BANP: variants seen among roughly 807,000 people sequenced by gnomAD.
BANP encodes the protein protein BANP.
A neutral mutation model predicts 68.1 loss-of-function variants in BANP; 11 were observed. That is an observed-to-expected ratio of 0.16 (90% CI 0.10 to 0.27). The LOEUF (loss-of-function observed/expected upper bound fraction) is 0.27, where lower values mean the gene tolerates loss of function less well. Ranked by LOEUF, BANP falls within the 10% of genes least tolerant of loss-of-function variation. The pLI is 1.00. For missense variants in BANP, 504 were observed against 722.7 expected (o/e 0.70, Z 3.47); for synonymous variants, 329 against 303.2 (o/e 1.09, Z -0.88).
intron 11 of BANP, among the ~76,000 whole-genome samples, chr16:88,041,080 C>T (rs1005956389): frequency 2.0e-5 from 3 of 152,248 alleles, no homozygotes; most frequent in African/African-American, 2.4e-5. Flanking sequence ...CCACATCCTG[C>T]ACCCCAGCCC....
chr16:87,988,933 T>C (rs2065177128), intron 4 of BANP, among the ~76,000 whole-genome samples: 1 of 152,216 alleles, frequency 6.6e-6, no homozygotes, highest in South Asian at 2.1e-4. Flanking sequence ...GTTGGTTCTT[T>C]CTCATTAAAA....
rs145032870 is a variant in BANP, at chr16:87,995,669, A to G, written c.363-8626A>G. ...GCTGCACTCTGGGTGGGAAGGAGAC[A>G]AAAACTTGTACTTGTTCAAATATAC... On this transcript the variant is annotated intron_variant, in intron 4 of 13. Coordinates refer to ENST00000682872, the MANE Select transcript of BANP (RefSeq NM_001386991.1). Among the ~76,000 whole-genome samples the G allele has an allele frequency of 7.2e-3, 1,091 of 152,344 alleles. 4 individuals are homozygous for G. The highest frequency in any genetic ancestry group is 0.01 in the Middle Eastern group (3 of 294).
intron 11 of BANP, among the ~76,000 whole-genome samples, chr16:88,049,817 G>A (rs554418080): frequency 1.1e-3 from 167 of 152,330 alleles, no homozygotes; most frequent in Non-Finnish European, 1.7e-3. Context: ...CAGCCACACG[G>A]CATCCGACGA....
Position 88,018,902 on chromosome 16 carries a change from A to G in BANP, c.895+235A>G, listed in dbSNP as rs1165512253. On this transcript the variant is annotated intron_variant, in intron 7 of 13. Transcript: ENST00000682872. This position sits in a 1 kb window ranked among gnomAD's most constrained non-coding sequence, Gnocchi z 7.7. Reference sequence around the variant, plus strand: ...AAATACCTCATATACCCCATCATATATATACCTACTGTGTACCCTTAGAAG... The same window carrying G: ...AAATACCTCATATACCCCATCATATGTATACCTACTGTGTACCCTTAGAAG... 6.6e-6 allele frequency among the ~76,000 whole-genome samples: 1 copy of G among 152,166 alleles called. No individual in the cohort carries two copies. Among genetic ancestry groups the G allele is most frequent in the African/African-American group, 2.4e-5 (1 of 41,440 alleles).
intron 8 of BANP, among the ~76,000 whole-genome samples, chr16:88,032,882 G>A (rs1380452104): frequency 1.3e-5 from 2 of 152,196 alleles, no homozygotes; most frequent in Non-Finnish European, 2.9e-5. Flanking sequence ...GCAGCATCAC[G>A]CCACTCTCAG....
chr16:87,989,798 G>C (rs889535379), intron 4 of BANP, among the ~76,000 whole-genome samples: 1 of 120,480 alleles, frequency 8.3e-6, no homozygotes, highest in Admixed American at 9.2e-5. Context: ...GCGTGGCTGC[G>C]CGCATCCAGG....
intron 4 of BANP, among the ~76,000 whole-genome samples, chr16:87,999,290 G>T (rs1418861927): frequency 2.9e-5 from 4 of 140,092 alleles, no homozygotes; most frequent in Non-Finnish European, 6.2e-5. Flanking sequence ...GCATGCACTT[G>T]CACGGCTGTA....
rs2152667593 is a variant in BANP at position 88,018,900 on chromosome 16, A to ATATATACCTACTT, written c.895+245_895+246insTTATATACCTACT. Among the ~76,000 whole-genome samples, 1 of 152,244 alleles carries ATATATACCTACTT rather than the reference A, an allele frequency of 6.6e-6. No homozygotes were observed. The highest frequency in any genetic ancestry group is 2.4e-5 in the African/African-American group (1 of 41,534). The stretch of plus-strand genomic sequence containing the variant: ...CAAAATACCTCATATACCCCATCAT[A>ATATATACCTACTT]TATATACCTACTGTGTACCCTTAGA... On this transcript the variant is annotated intron_variant, in intron 7 of 13. Transcript: ENST00000682872. The surrounding 1 kb of genome is among the most constrained non-coding windows in gnomAD (Gnocchi z 7.7).
At chr16:87,989,590 G>A (rs2065358294) in intron 4 of BANP, among the ~76,000 whole-genome samples, 1 of 149,752 alleles carries the variant, frequency 6.7e-6, no homozygotes, top group South Asian at 2.1e-4. Flanking sequence ...ACACAGGGCG[G>A]GTGACGGGGG....
intron 11 of BANP, among the ~76,000 whole-genome samples, chr16:88,058,769 T>C (rs995642545): frequency 6.6e-6 from 1 of 152,208 alleles, no homozygotes; most frequent in Non-Finnish European, 1.5e-5. Context: ...CTGCATTGTG[T>C]AATTGGCTCT....
intron 6 of BANP, among the ~76,000 whole-genome samples, chr16:88,013,638 C>T (rs1481956211): frequency 6.6e-6 from 1 of 152,230 alleles, no homozygotes; most frequent in Non-Finnish European, 1.5e-5. Flanking sequence ...TTGTGCTTTC[C>T]TGGTGCAGGA....
intron 1 of BANP, among the ~76,000 whole-genome samples, chr16:87,958,669 C>T (rs2058559817): frequency 6.6e-6 from 1 of 152,196 alleles, no homozygotes; most frequent in South Asian, 2.1e-4. Context: ...CACCACTGCA[C>T]TCCAGCCTGG....
chr16:88,065,968 C>G (rs2088454726), intron 12 of BANP, among the ~76,000 whole-genome samples: 1 of 152,176 alleles, frequency 6.6e-6, no homozygotes, highest in South Asian at 2.1e-4. Flanking sequence ...GCTTAGGATT[C>G]TTGGTGGGGA....
At chr16:87,991,834 T>C (rs1223421350) in intron 4 of BANP, among the ~76,000 whole-genome samples, 1 of 152,264 alleles carries the variant, frequency 6.6e-6, no homozygotes, top group Non-Finnish European at 1.5e-5. Flanking sequence ...AATAGAATTT[T>C]GCTTCTTCCT....
intron 6 of BANP, among the ~76,000 whole-genome samples, chr16:88,007,772 A>G (rs2071678858): frequency 1.3e-5 from 2 of 152,152 alleles, no homozygotes; most frequent in Admixed American, 6.5e-5. Flanking sequence ...CTTCCACAAA[A>G]ATTGCTTTTA....
intron 12 of BANP, among the ~76,000 whole-genome samples, chr16:88,066,036 C>T (rs554491843): frequency 3.9e-5 from 6 of 152,202 alleles, no homozygotes; most frequent in Non-Finnish European, 7.3e-5. Flanking sequence ...CCTGGGATAG[C>T]GTCCGAGCAG....
At chr16:88,056,749 C>A (rs1304143029) in intron 11 of BANP, among the ~76,000 whole-genome samples, 1 of 152,166 alleles carries the variant, frequency 6.6e-6, no homozygotes, top group Non-Finnish European at 1.5e-5. Context: ...TTACCATTTT[C>A]AAATATATAT....
rs374417886 is a variant in BANP at position 87,954,109 on chromosome 16, T to C, written c.-69+2594T>C. ...AAGTTCTTCCTCTCCAGCTCTGCTC[T>C]TCTGTCTTAGGAGTTCCTGTTTGTG... On this transcript the variant is annotated intron_variant, in intron 1 of 13. Coordinates refer to ENST00000682872, the MANE Select transcript of BANP (RefSeq NM_001386991.1). Among the ~76,000 whole-genome samples the C allele has an allele frequency of 1.4e-3, 208 of 152,284 alleles. 2 individuals are homozygous for C. Among genetic ancestry groups the C allele is most frequent in the African/African-American group, 5.0e-3 (206 of 41,560 alleles).
At chr16:88,037,146 A>T (rs1338571170) in intron 10 of BANP, 1 of 152,240 alleles carries the variant, frequency 6.6e-6, no homozygotes, top group East Asian at 1.9e-4. Context: ...GAAAATTGAA[A>T]CAGCAGCAAA....
Sources: gnomAD v4.1 joint callset for allele counts (sites outside exome capture counted in the v4.1 genomes callset) on GRCh38, gnomAD v4.1.1 for gene constraint, Gnocchi (gnomAD v3.1) non-coding constraint, MANE v1.5 for transcripts, NCBI Gene and HGNC (gene_info 2026-07-23, HGNC 2026-07-21) for gene names.